CFAP54: variants seen among roughly 807,000 people sequenced by gnomAD.
CFAP54 encodes the protein cilia and flagella associated protein 54.
In CFAP54, 290 loss-of-function variants were observed where a neutral mutation model predicts 370.4. That is an observed-to-expected ratio of 0.78 (90% CI 0.71 to 0.86). The LOEUF (loss-of-function observed/expected upper bound fraction) is 0.86, where lower values mean the gene tolerates loss of function less well. Among genes scored for constraint, CFAP54 ranks in the 40% least tolerant of loss-of-function variants. CFAP54 has a pLI of 0.00. For synonymous variants in CFAP54, 1,206 were observed against 1,236.5 expected (o/e 0.98, Z 0.52); for missense variants, 3,399 against 3,528.7 (o/e 0.96, Z 0.93).
rs776062493 is a variant in CFAP54, at chr12:96,679,641, G to A, written c.5605G>A (p.Val1869Met). The A allele has an allele frequency of 3.7e-5, 59 of 1,613,288 alleles. No individual in the cohort carries two copies. In the Middle Eastern group the frequency reaches 8.2e-4, roughly 22 times the overall value. The change falls in exon 40 of 68, where the codon GTG becomes ATG. Residue 1869 changes from valine (V) to methionine (M), a missense_variant. This residue lies in a region of CFAP54 where 2,796 missense variants were observed against 2,869.7 expected (regional missense o/e 0.97). Transcript: ENST00000524981. ...AKALVCVPVD[V>M]TDTLRCFRET... is the part of the protein sequence containing the mutation. ...AGCGCTTGTCTGCGTGCCCGTGGAC[G>A]TGACAGACACCTTGAGGTGTTTTAG...
chr12:96,727,690 T>G (rs946984399), intron 50 of CFAP54, among the ~76,000 whole-genome samples: 1 of 152,092 alleles, frequency 6.6e-6, no homozygotes, highest in South Asian at 2.1e-4. Flanking sequence ...AAAGTTAATA[T>G]TGTTATGTGT....
At chr12:96,826,480 T>TA (rs1194429420) in intron 65 of CFAP54, among the ~76,000 whole-genome samples, 1 of 119,186 alleles carries the variant, frequency 8.4e-6, no homozygotes, top group Non-Finnish European at 1.6e-5. Context: ...ATATAATATA[T>TA]GTAAATAATA....
chr12:96,541,016 A>G (rs1334587355), intron 14 of CFAP54, 29 bp downstream of exon 14: 5 of 1,393,292 alleles, frequency 3.6e-6, no homozygotes, highest in African/African-American at 1.5e-5. Flanking sequence ...AATTGTATAC[A>G]TATATAAATA....
intron 60 of CFAP54, among the ~76,000 whole-genome samples, chr12:96,772,862 AGC>A (rs1958478164): frequency 6.6e-6 from 1 of 152,098 alleles, no homozygotes; most frequent in South Asian, 2.1e-4. Context: ...CACATGCCTC[AGC>A]TTCCCAAAGT....
intron 58 of CFAP54, among the ~76,000 whole-genome samples, chr12:96,759,085 C>A (rs924976359): frequency 3.9e-5 from 6 of 152,048 alleles, no homozygotes; most frequent in Non-Finnish European, 7.4e-5. Flanking sequence ...GGCATCAAAT[C>A]TTTAATTTTT....
intron 26 of CFAP54, among the ~76,000 whole-genome samples, chr12:96,602,327 G>A (rs1451321409): frequency 6.6e-6 from 1 of 152,162 alleles, no homozygotes; most frequent in Non-Finnish European, 1.5e-5. Flanking sequence ...GAGACAGTTT[G>A]TTGTGATTTC....
At chr12:96,787,906 G>GTT (rs560742952) in intron 62 of CFAP54, among the ~76,000 whole-genome samples, 2 of 141,632 alleles carry the variant, frequency 1.4e-5, no homozygotes, top group Admixed American at 7.1e-5. Flanking sequence ...AAAAAGTGAG[G>GTT]TTTTTTTTTT....
intron 66 of CFAP54, among the ~76,000 whole-genome samples, chr12:96,845,653 C>T (rs1959321762): frequency 6.6e-6 from 1 of 152,220 alleles, no homozygotes; most frequent in Non-Finnish European, 1.5e-5. Context: ...CCAGCTTCTC[C>T]CTCTGCCTAA....
chr12:96,808,145 C>G (rs1248137295), intron 63 of CFAP54, among the ~76,000 whole-genome samples: 1 of 152,028 alleles, frequency 6.6e-6, no homozygotes, highest in Non-Finnish European at 1.5e-5. Context: ...TAATTCTTCC[C>G]AAACTTTCAA....
intron 66 of CFAP54, among the ~76,000 whole-genome samples, chr12:96,858,205 A>G (rs549492034): frequency 2.6e-5 from 4 of 152,264 alleles, no homozygotes; most frequent in African/African-American, 9.6e-5. Context: ...CAGGTGTGAG[A>G]TGGTATCTCA....
chr12:96,503,779 AT>A, intron 2 of CFAP54, 106 bp from the exon 3 acceptor site: 2 of 988,638 alleles, frequency 2.0e-6, no homozygotes, highest in Non-Finnish European at 2.8e-6. Flanking sequence ...TAATGGTATA[AT>A]TGTAATAATC....
intron 25 of CFAP54, among the ~76,000 whole-genome samples, chr12:96,596,301 T>C (rs2136439178): frequency 6.6e-6 from 1 of 152,288 alleles, no homozygotes; most frequent in African/African-American, 2.4e-5. Context: ...AGGATACCTT[T>C]GGCTAGAGAA....
chr12:96,846,826 T>C (rs1362764141), intron 66 of CFAP54, among the ~76,000 whole-genome samples: 1 of 152,168 alleles, frequency 6.6e-6, no homozygotes, highest in African/African-American at 2.4e-5. Flanking sequence ...AGCACTGTCC[T>C]GGTTTGCATA....
At chr12:96,657,823 A>G in intron 36 of CFAP54, 59 bp from the exon 37 acceptor site, 1 of 1,211,978 alleles carries the variant, frequency 8.3e-7, no homozygotes, top group South Asian at 1.4e-5. Flanking sequence ...CAGTTTTCAG[A>G]AAAAATATGC....
At chr12:96,745,867 A>T (rs1193853922) in intron 55 of CFAP54, among the ~76,000 whole-genome samples, 2 of 152,204 alleles carry the variant, frequency 1.3e-5, no homozygotes, top group Non-Finnish European at 2.9e-5. Flanking sequence ...ACAGCATCTT[A>T]TGTTCCTTCA....
intron 1 of CFAP54, among the ~76,000 whole-genome samples, chr12:96,493,691 GGCAGGCCGAGGCA>G (rs1227499946): frequency 5.9e-5 from 9 of 152,174 alleles, no homozygotes; most frequent in Admixed American, 3.9e-4. Flanking sequence ...CCAGCTACTC[GGCAGGCCGAGGCA>G]GGAGAATCAC....
intron 65 of CFAP54, among the ~76,000 whole-genome samples, chr12:96,824,860 C>T (rs1959068973): frequency 6.6e-6 from 1 of 152,068 alleles, no homozygotes; most frequent in South Asian, 2.1e-4. Context: ...GCTCTATTCT[C>T]TATACAATAA....
chr12:96,537,607 G>GT (rs1955520377), intron 12 of CFAP54, among the ~76,000 whole-genome samples: 1 of 152,114 alleles, frequency 6.6e-6, no homozygotes, highest in Non-Finnish European at 1.5e-5. Flanking sequence ...CTCCCAAAGT[G>GT]CTGGGATTAT....
chr12:96,759,306 C>CT (rs1958307719), intron 58 of CFAP54, among the ~76,000 whole-genome samples: 1 of 144,846 alleles, frequency 6.9e-6, no homozygotes, highest in East Asian at 2.1e-4. Context: ...AAAAAAAACC[C>CT]TTGTTTTTAT....
Sources: allele counts gnomAD v4.1 joint callset (sites outside exome capture counted in the v4.1 genomes callset), GRCh38; gene constraint gnomAD v4.1.1; regional missense constraint gnomAD v4.1.1; transcripts MANE v1.5; gene names NCBI Gene and HGNC (gene_info 2026-07-23, HGNC 2026-07-21).